GPHN: variants seen among roughly 807,000 people sequenced by gnomAD.
The protein encoded by GPHN is gephyrin.
A neutral mutation model predicts 95.5 loss-of-function variants in GPHN; 17 were observed. The observed-to-expected ratio is 0.18, with a 90% confidence interval of 0.12 to 0.27. GPHN has a LOEUF of 0.27. Ranked by LOEUF, GPHN falls within the 10% of genes least tolerant of loss-of-function variation. GPHN has a pLI of 1.00. For missense variants in GPHN, 660 were observed against 978.1 expected (o/e 0.67, Z 4.34); for synonymous variants, 320 against 322.5 (o/e 0.99, Z 0.08).
the GPHN span, among the ~76,000 whole-genome samples, chr14:67,724,035 A>C: frequency 8.5e-5 from 13 of 152,196 alleles, no homozygotes; most frequent in Non-Finnish European, 1.8e-4. Context: ...GCCACCCCCC[A>C]CAGAGTGCTG....
At chr14:66,800,193 T>G (rs2060295424) in intron 3 of GPHN, among the ~76,000 whole-genome samples, 1 of 152,106 alleles carries the variant, frequency 6.6e-6, no homozygotes, top group Non-Finnish European at 1.5e-5. Flanking sequence ...AATTATTATT[T>G]TTAATTGGTT....
At chr14:67,521,459 T>C in the GPHN span, among the ~76,000 whole-genome samples, 1 of 152,228 alleles carries the variant, frequency 6.6e-6, no homozygotes, top group Non-Finnish European at 1.5e-5. Context: ...GGTATCCATA[T>C]GTCCATGTGG....
the GPHN span, among the ~76,000 whole-genome samples, chr14:67,487,386 TC>T: frequency 3.9e-5 from 6 of 152,156 alleles, no homozygotes; most frequent in African/African-American, 1.4e-4. Flanking sequence ...TCCTGGACAA[TC>T]CACATGTCCA....
chr14:67,250,526 CAAA>C, the GPHN span, among the ~76,000 whole-genome samples: 1 of 152,120 alleles, frequency 6.6e-6, no homozygotes, highest in Non-Finnish European at 1.5e-5. Flanking sequence ...TAATATTAAA[CAAA>C]AAATTCTAGT....
At chr14:67,577,199 A>G in the GPHN span, 3 of 777,570 alleles carry the variant, frequency 3.9e-6, no homozygotes, top group Non-Finnish European at 6.4e-6. Flanking sequence ...TTGACGGAAG[A>G]TAAACCACTA....
chr14:67,634,410 T>C, the GPHN span, among the ~76,000 whole-genome samples: 2 of 143,546 alleles, frequency 1.4e-5, no homozygotes, highest in African/African-American at 5.2e-5. Flanking sequence ...CTGGGTAGCA[T>C]GGCAAAACTC....
the GPHN span, chr14:67,594,058 G>A: frequency 2.8e-6 from 2 of 705,900 alleles, no homozygotes; most frequent in South Asian, 1.7e-5. Context: ...CTTTTATTTG[G>A]GTTCTAAGGT....
At chr14:67,021,757 C>G (rs1567221715) in intron 9 of GPHN, among the ~76,000 whole-genome samples, 6 of 152,060 alleles carry the variant, frequency 3.9e-5, no homozygotes, top group Admixed American at 3.9e-4. Context: ...ACTAGCTCCA[C>G]TCTAGATTGG....
chr14:67,598,629 C>T, the GPHN span, among the ~76,000 whole-genome samples: 1 of 151,856 alleles, frequency 6.6e-6, no homozygotes, highest in African/African-American at 2.4e-5. Context: ...CAGGCTAGTA[C>T]TAAAATTCAA....
intron 11 of GPHN, chr14:67,059,005 T>TA (rs1285910851): frequency 1.9e-4 from 82 of 438,980 alleles, no homozygotes; most frequent in Non-Finnish European, 2.7e-4. Context: ...GCCTTTTCAT[T>TA]AAAAAAAGGA....
chr14:66,824,773 A>G (rs1243830865), intron 4 of GPHN, among the ~76,000 whole-genome samples: 1 of 152,172 alleles, frequency 6.6e-6, no homozygotes, highest in African/African-American at 2.4e-5. Flanking sequence ...AAGTGATAGA[A>G]TATGAGGAAG....
At chr14:66,852,915 A>T (rs2062650655) in intron 4 of GPHN, among the ~76,000 whole-genome samples, 1 of 152,198 alleles carries the variant, frequency 6.6e-6, no homozygotes, top group Non-Finnish European at 1.5e-5. Context: ...TTTGTATCTT[A>T]TTATAACATC....
chr14:67,185,419 G>A (rs550373379), downstream of GPHN, among the ~76,000 whole-genome samples: 1 of 152,274 alleles, frequency 6.6e-6, no homozygotes, highest in Admixed American at 6.5e-5. Context: ...AAATGTTAAA[G>A]TTCAACAAAA....
At chr14:67,450,684 G>T in the GPHN span, among the ~76,000 whole-genome samples, 415 of 152,296 alleles carry the variant, frequency 2.7e-3, 3 homozygotes, top group African/African-American at 9.5e-3. Context: ...GCATTTAAGA[G>T]GTGACTTGAG....
chr14:66,594,965 A>G (rs533561726), intron 1 of GPHN, among the ~76,000 whole-genome samples: 18 of 152,324 alleles, frequency 1.2e-4, no homozygotes, highest in Admixed American at 1.1e-3. Context: ...TAAGAAAACA[A>G]TCTGATATAA....
At chr14:67,084,698 G>A (rs1301799485) in intron 11 of GPHN, among the ~76,000 whole-genome samples, 1 of 152,156 alleles carries the variant, frequency 6.6e-6, no homozygotes, top group Admixed American at 6.5e-5. Context: ...GAATGGATGA[G>A]CAAATCAGTC....
At chr14:67,249,741 A>G in the GPHN span, among the ~76,000 whole-genome samples, 1 of 152,224 alleles carries the variant, frequency 6.6e-6, no homozygotes. Context: ...ATATTTTGAG[A>G]GTTTTACATT....
intron 2 of GPHN, among the ~76,000 whole-genome samples, chr14:66,775,901 G>A (rs996132626): frequency 2.6e-5 from 4 of 152,084 alleles, no homozygotes; most frequent in South Asian, 2.1e-4. Context: ...GGGCACACAC[G>A]TCTCTCTGAC....
chr14:66,904,768 G>A (rs2065293017), intron 5 of GPHN, among the ~76,000 whole-genome samples: 1 of 152,128 alleles, frequency 6.6e-6, no homozygotes. Flanking sequence ...GGGTCAGTGG[G>A]TTGGTCCAGG....
Sources: allele counts gnomAD v4.1 joint callset (sites outside exome capture counted in the v4.1 genomes callset), GRCh38; gene constraint gnomAD v4.1.1; transcripts MANE v1.5; gene names NCBI Gene and HGNC (gene_info 2026-07-23, HGNC 2026-07-21).